The following LAG3 variants were observed in gnomAD, a reference collection of about 807,000 sequenced individuals.
The protein encoded by LAG3 is lymphocyte activation gene 3 protein.
LAG3 carries 29 observed loss-of-function variants against 49.0 expected under a neutral mutation model. That is an observed-to-expected ratio of 0.59 (90% CI 0.44 to 0.81). LAG3 has a LOEUF of 0.81. LAG3 is among the 30% of genes least tolerant of loss of function. LAG3 has a pLI of 0.00. For missense variants in LAG3, 693 were observed against 695.2 expected, an observed-to-expected ratio of 1.00 and a Z score of 0.04; for synonymous variants, 320 against 297.3, an observed-to-expected ratio of 1.08 and a Z score of -0.79.
At position 6,776,361 on chromosome 12, in the gene LAG3, C is replaced by T. The variant is rs116190150; in HGVS notation, c.1057+813C>T. ...TCCATCCACCTCGAAACCTGGCCTC[C>T]TCCTCTCTACATCCCATCAGTCATC... On this transcript the variant is annotated intron_variant, in intron 5 of 7. Coordinates refer to ENST00000203629, the MANE Select transcript of LAG3 (RefSeq NM_002286.6). 4.0e-3 allele frequency among the ~76,000 whole-genome samples: 603 copies of T among 152,314 alleles called. 2 individuals are homozygous for T. Among genetic ancestry groups the T allele is most frequent in the Middle Eastern group, 0.02 (6 of 294 alleles).
At chr12:6,775,754 TA>T (rs1941900924) in intron 5 of LAG3, 3 of 590,902 alleles carry the variant, frequency 5.1e-6, no homozygotes, top group East Asian at 5.7e-5. Flanking sequence ...AGTCACAAGA[TA>T]AAAGTTCCAC....
At chr12:6,775,183 T>C (rs1403166570) in intron 4 of LAG3, 90 bp from the exon 5 acceptor site, 2 of 1,378,992 alleles carry the variant, frequency 1.5e-6, no homozygotes, top group Admixed American at 4.0e-5. Flanking sequence ...GACCATCTCC[T>C]GAATTCTTCT....
At chr12:6,776,199 C>G (rs1941906732) in intron 5 of LAG3, among the ~76,000 whole-genome samples, 1 of 152,144 alleles carries the variant, frequency 6.6e-6, no homozygotes, top group South Asian at 2.1e-4. Flanking sequence ...CTCCTGAAGG[C>G]CAATCCTGAG....
At chr12:6,776,030 CAGAG>C (rs1941905048) in intron 5 of LAG3, among the ~76,000 whole-genome samples, 1 of 152,154 alleles carries the variant, frequency 6.6e-6, no homozygotes, top group African/African-American at 2.4e-5. Context: ...AAAGAATACT[CAGAG>C]AGTATGTGTT....
intron 6 of LAG3, 65 bp downstream of exon 6, chr12:6,777,571 C>T: frequency 6.4e-7 from 1 of 1,560,040 alleles, no homozygotes; most frequent in Non-Finnish European, 8.7e-7. Context: ...CCTTCCAGAA[C>T]AGCCCCTGCC....
Position 6,772,760 on chromosome 12 carries a change from A to T in LAG3, c.-93A>T. 2 of 1,010,176 alleles carry T rather than the reference A, an allele frequency of 2.0e-6. No homozygotes were observed. The highest frequency in any genetic ancestry group is 3.0e-6 in the Non-Finnish European group (2 of 674,884). The allele number at this position is 1,010,176 out of a possible 1,614,324, so 62.6% of individuals were successfully genotyped here. A position where few individuals can be genotyped will look rare whatever the true frequency, so the allele number is the denominator to read the frequency against. ...CCTTCCTCCACCTCCCTCTCTGCAGAACTTCTCCTTTACCCCCCACCCCCC... is the reference window on the plus strand; with the variant it reads ...CCTTCCTCCACCTCCCTCTCTGCAGTACTTCTCCTTTACCCCCCACCCCCC... On this transcript the variant is annotated 5_prime_UTR_variant, in exon 1 of 8. Coordinates refer to ENST00000203629, the MANE Select transcript of LAG3 (RefSeq NM_002286.6).
chr12:6,772,612 C>T lies in LAG3; in HGVS notation c.-241C>T. Reference sequence around the variant, plus strand: ...TGCTCTGTTCCCTGGGACACCCCCGCCCCCACCTCCTCAGGCTGCCTGATC... The same window carrying T: ...TGCTCTGTTCCCTGGGACACCCCCGTCCCCACCTCCTCAGGCTGCCTGATC... On this transcript the variant is annotated 5_prime_UTR_variant, in exon 1 of 8. Transcript: ENST00000203629. The T allele has an allele frequency of 2.0e-6, 1 of 511,614 alleles. No individual in the cohort carries two copies. The highest frequency in any genetic ancestry group is 3.5e-6 in the Non-Finnish European group (1 of 286,652). 31.7% of individuals were successfully genotyped at this position (511,614 alleles called of 1,614,324 possible).
Position 6,775,297 on chromosome 12 carries a change from C to CA in LAG3, c.807dup (p.Val270SerfsTer37). The CA allele has an allele frequency of 6.2e-7, 1 of 1,614,174 alleles. No homozygotes were observed. The highest frequency in any genetic ancestry group is 8.5e-7 in the Non-Finnish European group (1 of 1,180,022). On this transcript the variant is annotated frameshift_variant, in exon 5 of 8. Coordinates refer to ENST00000203629, the MANE Select transcript of LAG3 (RefSeq NM_002286.6). LOFTEE classifies it high-confidence loss of function. Reference sequence around the variant, plus strand: ...GGTCTGGAGCCCCCAACTCCCTTGACAGTGTACGCTGGAGCAGGTTCCAGG... The same window carrying CA: ...GGTCTGGAGCCCCCAACTCCCTTGACAAGTGTACGCTGGAGCAGGTTCCAGG...
At chr12:6,775,580 C>G (rs530463451) in intron 5 of LAG3, 32 bp downstream of exon 5, 16 of 1,608,626 alleles carry the variant, frequency 9.9e-6, no homozygotes, top group Non-Finnish European at 1.3e-5. Flanking sequence ...AGTAGCTGCC[C>G]TCCCAGGGTA....
intron 5 of LAG3, 93 bp from the exon 6 acceptor site, chr12:6,777,171 T>TG: frequency 6.8e-7 from 1 of 1,474,110 alleles, no homozygotes; most frequent in Non-Finnish European, 9.4e-7. Flanking sequence ...AGAACCCAAG[T>TG]GAGTGCAGGG....
In LAG3 at chr12:6,775,426, A is replaced by T. The variant is rs1941896494; in HGVS notation, c.935A>T (p.Asp312Val). The T allele has an allele frequency of 2.5e-6, 4 of 1,614,004 alleles. No homozygotes were observed. Among genetic ancestry groups the T allele is most frequent in the African/African-American group, 1.3e-5 (1 of 74,904 alleles). Residue 312 changes from aspartate to valine, a missense_variant, in exon 5 of 8, where the codon GAC becomes GTC. Transcript: ENST00000203629. ...GGCCCTGACCTCCTGGTGACTGGAG[A>T]CAATGGCGACTTTACCCTTCGACTA... is the stretch of plus-strand genomic sequence containing the variant. ...GGGPDLLVTG[D>V]NGDFTLRLED... is the part of the protein sequence containing the mutation.
rs998058076 is a variant in LAG3, at chr12:6,777,233, C to T, written c.1058-31C>T. The T allele has an allele frequency of 8.7e-6, 14 of 1,612,986 alleles. No individual in the cohort carries two copies. In the Admixed American group the frequency reaches 1.5e-4, roughly 17 times the overall value. Reference sequence around the variant, plus strand: ...GATATCACGTAAGGGGGGCAGAATCCCAAAAGATCTCTTCCTTCTACTCTT... The same window carrying T: ...GATATCACGTAAGGGGGGCAGAATCTCAAAAGATCTCTTCCTTCTACTCTT... On this transcript the variant is annotated intron_variant, in intron 5 of 7. Coordinates refer to ENST00000203629, the MANE Select transcript of LAG3 (RefSeq NM_002286.6).
chr12:6,777,910 T>C lies in LAG3; in HGVS notation c.1420T>C (p.Trp474Arg). The C allele has an allele frequency of 9.9e-6, 16 of 1,613,660 alleles. No individual in the cohort carries two copies. The highest frequency in any genetic ancestry group is 1.4e-5 in the Non-Finnish European group (16 of 1,179,936). ...GACTGGAGCCTTTGGCTTTCACCTT[T>C]GGAGAAGACAGGTGAGCCAGGGACA... ...LVTGAFGFHL[W>R]RRQWRPRRFS... Residue 474 changes from tryptophan to arginine, a missense_variant, in exon 7 of 8, where the codon TGG becomes CGG. Trp to Arg is a moderately radical substitution (Grantham distance 101, BLOSUM62 -3). Coordinates refer to ENST00000203629, the MANE Select transcript of LAG3 (RefSeq NM_002286.6).
chr12:6,772,657 C>T lies in LAG3; in HGVS notation c.-196C>T. ...CTGATCTGCCCAGCTTTCCAGCTTTCCTCTGGATTCCGGCCTCTGGTCATC... is the reference window on the plus strand; with the variant it reads ...CTGATCTGCCCAGCTTTCCAGCTTTTCTCTGGATTCCGGCCTCTGGTCATC... On this transcript the variant is annotated 5_prime_UTR_variant, in exon 1 of 8. Coordinates refer to ENST00000203629, the MANE Select transcript of LAG3 (RefSeq NM_002286.6). 2 of 475,816 alleles carry T rather than the reference C, an allele frequency of 4.2e-6. No homozygotes were observed. The highest frequency in any genetic ancestry group is 7.5e-6 in the Non-Finnish European group (2 of 265,332). The allele number at this position is 475,816 out of a possible 1,614,324, so 29.5% of individuals were successfully genotyped here.
Position 6,777,448 on chromosome 12 carries a change from G to A in LAG3, c.1242G>A (p.Leu414=), listed in dbSNP as rs771787924. ...QLLSQPWQCQ[L]YQGERLLGAA... is the part of the protein sequence containing the mutation. ...TTTCCCAGCCTTGGCAATGCCAGCTGTACCAGGGGGAGAGGCTTCTTGGAG... is the reference window on the plus strand; with the variant it reads ...TTTCCCAGCCTTGGCAATGCCAGCTATACCAGGGGGAGAGGCTTCTTGGAG... The change falls in exon 6 of 8, where the codon CTG becomes CTA. Residue 414 remains leucine (L), a synonymous_variant. Coordinates refer to ENST00000203629, the MANE Select transcript of LAG3 (RefSeq NM_002286.6). 5.0e-6 allele frequency: 8 copies of A among 1,614,100 alleles called. No individual in the cohort carries two copies. The African/African-American group carries it at 6.7e-5, about 13-fold the overall frequency.
intron 4 of LAG3, 109 bp from the exon 5 acceptor site, chr12:6,775,164 T>C: frequency 8.0e-7 from 1 of 1,244,930 alleles, no homozygotes; most frequent in South Asian, 1.4e-5. Context: ...TTAGCACTCT[T>C]ATGAGCCAGA....
At chr12:6,774,278 G>T (rs1187024169) in intron 3 of LAG3, among the ~76,000 whole-genome samples, 1 of 152,250 alleles carries the variant, frequency 6.6e-6, no homozygotes, top group African/African-American at 2.4e-5. Context: ...GAGAGCATGG[G>T]GCTAAAGTGA....
In LAG3 at chr12:6,773,980, C is replaced by T; in HGVS notation, c.490C>T (p.Leu164=). Residue 164 remains leucine (L), a synonymous_variant, in exon 3 of 8, where the codon CTG becomes TTG. Coordinates refer to ENST00000203629, the MANE Select transcript of LAG3 (RefSeq NM_002286.6). The surrounding 1 kb of genome is among the most constrained non-coding windows in gnomAD (Gnocchi z 5.5). ...CCGCGCCCTCTCCTGCCGCCTCCGT[C>T]TGCGCCTGGGCCAGGCCTCGAGTAT... ...RDRALSCRLR[L]RLGQASMTAS... The T allele has an allele frequency of 6.9e-7, 1 of 1,441,798 alleles. No homozygotes were observed. The highest frequency in any genetic ancestry group is 9.0e-7 in the Non-Finnish European group (1 of 1,106,050). The allele number at this position is 1,441,798 out of a possible 1,614,324, so 89.3% of individuals were successfully genotyped here.
At chr12:6,777,129 C>A in intron 5 of LAG3, 135 bp from the exon 6 acceptor site, 1 of 865,032 alleles carries the variant, frequency 1.2e-6, no homozygotes, top group Non-Finnish European at 1.8e-6. Context: ...GTGGCCATGA[C>A]CCATGATGTC....
Sources: allele counts gnomAD v4.1 joint callset (sites outside exome capture counted in the v4.1 genomes callset), GRCh38; gene constraint gnomAD v4.1.1; non-coding constraint Gnocchi (gnomAD v3.1); transcripts MANE v1.5; gene names NCBI Gene and HGNC (gene_info 2026-07-23, HGNC 2026-07-21).